The following RTN4 variants were observed in gnomAD, a reference collection of about 807,000 sequenced individuals.
The protein encoded by RTN4 is reticulon-4.
RTN4 carries 32 observed loss-of-function variants against 90.4 expected under a neutral mutation model. The observed-to-expected ratio is 0.35, with a 90% CI of 0.27 to 0.48. The LOEUF is 0.48. Ranked by LOEUF, RTN4 falls within the 20% of genes least tolerant of loss-of-function variation. The pLI is 0.99. For missense variants in RTN4, 1,706 were observed against 1,430.2 expected, an observed-to-expected ratio of 1.19 and a Z score of -3.11; for synonymous variants, 629 against 552.5, an observed-to-expected ratio of 1.14 and a Z score of -1.94.
chr2:55,019,362 A>T (rs1681267620), intron 3 of RTN4, among the ~76,000 whole-genome samples: 1 of 152,188 alleles, frequency 6.6e-6, no homozygotes, highest in Non-Finnish European at 1.5e-5. Flanking sequence ...TTTGATAGGG[A>T]GCAGGATATC....
intron 1 of RTN4, among the ~76,000 whole-genome samples, chr2:55,029,617 C>T (rs1315874145): frequency 6.6e-6 from 1 of 152,148 alleles, no homozygotes; most frequent in Non-Finnish European, 1.5e-5. Flanking sequence ...GTCTTCCAAG[C>T]ATATTACCCT....
chr2:55,009,030 A>G (rs1680440774), intron 3 of RTN4, among the ~76,000 whole-genome samples: 1 of 146,742 alleles, frequency 6.8e-6, no homozygotes, highest in Admixed American at 7.0e-5. Flanking sequence ...AAATCTTACC[A>G]ATGTCTCAAT....
chr2:55,136,143 G>C, the RTN4 span, among the ~76,000 whole-genome samples: 1 of 152,196 alleles, frequency 6.6e-6, no homozygotes, highest in Non-Finnish European at 1.5e-5. Flanking sequence ...GCCGCTTCCT[G>C]ATAAGATCTC....
At position 55,033,304 on chromosome 2, in the gene RTN4, C is replaced by T. The variant is rs746686568; in HGVS notation, c.557-5084G>A. 4.6e-5 allele frequency among the ~76,000 whole-genome samples: 7 copies of T among 152,194 alleles called. No homozygotes were observed. In the East Asian group the frequency reaches 1.4e-3, roughly 29 times the overall value. ...GATGTAATCCAAAAGGTAATGAACG[C>T]CTTTAAAGTTATGAAAAAACTGACA... On this transcript the variant is annotated intron_variant, in intron 1 of 8. Transcript: ENST00000337526.
At chr2:55,021,223 G>A (rs1681404701) in intron 3 of RTN4, among the ~76,000 whole-genome samples, 1 of 152,000 alleles carries the variant, frequency 6.6e-6, no homozygotes, top group South Asian at 2.1e-4. Flanking sequence ...TGGTACATTT[G>A]ACTTCAGTAC....
At position 55,075,966 on chromosome 2, in the gene RTN4, G is replaced by C. The variant is rs147127618; in HGVS notation, c.-63+4523C>G. ...GATTACAGACTTAAATCTAAGACTT[G>C]AAACCACAAAAATTATAGAACAAAC... is the stretch of plus-strand genomic sequence containing the variant. On this transcript the variant is annotated intron_variant, in intron 2 of 3. Coordinates refer to the RTN4 transcript ENST00000427710. Among the ~76,000 whole-genome samples, 159 of 152,262 alleles carry C rather than the reference G, an allele frequency of 1.0e-3. 2 individuals carry two copies. The highest frequency in any genetic ancestry group is 3.6e-3 in the African/African-American group (151 of 41,544).
chr2:55,107,281 G>T (rs1667960196), intron 1 of RTN4, among the ~76,000 whole-genome samples: 1 of 150,376 alleles, frequency 6.6e-6, no homozygotes, highest in Admixed American at 6.7e-5. Context: ...CATAATCAGT[G>T]ACTTGTACAT....
At chr2:55,094,666 AG>A (rs1669000387) in intron 1 of RTN4, among the ~76,000 whole-genome samples, 1 of 152,218 alleles carries the variant, frequency 6.6e-6, no homozygotes, top group Non-Finnish European at 1.5e-5. Flanking sequence ...AGGTCATCAA[AG>A]GAGGCTTTCT....
intron 3 of RTN4, 137 bp downstream of exon 3, chr2:55,024,949 T>C: frequency 9.1e-7 from 1 of 1,100,268 alleles, no homozygotes; most frequent in Non-Finnish European, 1.3e-6. Context: ...AACCTTTAAC[T>C]GAAAAAGTGG....
intron 2 of RTN4, among the ~76,000 whole-genome samples, chr2:55,059,545 G>A (rs7582359): frequency 0.26 from 39,482 of 151,730 alleles, 5,746 homozygotes; most frequent in Non-Finnish European, 0.33. Flanking sequence ...CTGGAGATGG[G>A]GTTTCAGGCC....
the RTN4 span, among the ~76,000 whole-genome samples, chr2:55,127,606 A>C: frequency 1.3e-5 from 2 of 152,162 alleles, no homozygotes; most frequent in African/African-American, 4.8e-5. Context: ...CATCCTCATA[A>C]TACCCCACAC....
At chr2:55,079,904 G>A (rs972236615) in intron 2 of RTN4, among the ~76,000 whole-genome samples, 1 of 152,148 alleles carries the variant, frequency 6.6e-6, no homozygotes, top group Non-Finnish European at 1.5e-5. Context: ...TACTAGCCAG[G>A]CAGTCTAGTG....
intron 3 of RTN4, among the ~76,000 whole-genome samples, chr2:55,011,456 T>C (rs1186954322): frequency 6.6e-6 from 1 of 152,238 alleles, no homozygotes; most frequent in African/African-American, 2.4e-5. Context: ...ATTCACCTGA[T>C]ACTTATATCT....
chr2:55,061,325 A>G (rs968580450), intron 2 of RTN4, among the ~76,000 whole-genome samples: 4 of 152,176 alleles, frequency 2.6e-5, no homozygotes, highest in African/African-American at 9.7e-5. Flanking sequence ...TGGCCTCCCA[A>G]AGTGCTGGGA....
At chr2:55,059,230 T>G (rs1192407515) in intron 2 of RTN4, among the ~76,000 whole-genome samples, 1 of 152,216 alleles carries the variant, frequency 6.6e-6, no homozygotes, top group Non-Finnish European at 1.5e-5. Flanking sequence ...AATAAGGTAT[T>G]TGTTGGGACT....
chr2:55,024,127 C>A (rs909775451), intron 3 of RTN4, among the ~76,000 whole-genome samples: 1 of 152,022 alleles, frequency 6.6e-6, no homozygotes, highest in Admixed American at 6.6e-5. Context: ...TCTCATGTTC[C>A]CTATCTCAGT....
intron 3 of RTN4, among the ~76,000 whole-genome samples, chr2:55,007,596 T>A (rs1680321986): frequency 6.6e-6 from 1 of 152,062 alleles, no homozygotes; most frequent in South Asian, 2.1e-4. Flanking sequence ...AACCAAGGCT[T>A]AAACCCTAGA....
chr2:54,988,651 C>T (rs1301929354), intron 3 of RTN4, among the ~76,000 whole-genome samples: 3 of 151,982 alleles, frequency 2.0e-5, no homozygotes, highest in South Asian at 2.1e-4. Flanking sequence ...AACAGCCTTT[C>T]GATTACCTGA....
chr2:54,976,784 A>C (rs1482547797), intron 5 of RTN4, among the ~76,000 whole-genome samples: 1 of 152,210 alleles, frequency 6.6e-6, no homozygotes, highest in Non-Finnish European at 1.5e-5. Context: ...CACTTTAAAG[A>C]AGCAAACAGG....
Sources: gnomAD v4.1 joint callset for allele counts (sites outside exome capture counted in the v4.1 genomes callset) on GRCh38, gnomAD v4.1.1 for gene constraint, MANE v1.5 for transcripts, NCBI Gene and HGNC (gene_info 2026-07-23, HGNC 2026-07-21) for gene names.